The following ENTPD1 variants were observed in gnomAD, a reference collection of about 807,000 sequenced individuals.
ENTPD1 encodes the protein ATP diphosphohydrolase.
In ENTPD1, 33 loss-of-function variants were observed where a neutral mutation model predicts 57.0. That is an observed-to-expected ratio of 0.58 (90% CI 0.44 to 0.77). The LOEUF is 0.77. ENTPD1 is among the 30% of genes least tolerant of loss of function. The pLI is 0.00. For missense variants in ENTPD1, 501 were observed against 603.4 expected (o/e 0.83, Z 1.78); for synonymous variants, 202 against 218.8 (o/e 0.92, Z 0.68).
intron 1 of ENTPD1, among the ~76,000 whole-genome samples, chr10:95,732,345 A>C (rs1019048257): frequency 3.3e-5 from 5 of 152,168 alleles, no homozygotes; most frequent in African/African-American, 1.2e-4. Context: ...TGCCAACCTG[A>C]TGACACACTA....
rs558868743 is a variant in ENTPD1 at position 95,859,115 on chromosome 10, A to G, written c.1075-1354A>G. 2.0e-5 allele frequency among the ~76,000 whole-genome samples: 3 copies of G among 152,338 alleles called. No individual in the cohort carries two copies. The South Asian group carries it at 6.2e-4, about 32-fold the overall frequency. ...GGAAAATTTATTAAAAAGGACTAAT[A>G]TGCTCACACTTATGTTATTAGATAT... On this transcript the variant is annotated intron_variant, in intron 7 of 9. Transcript: ENST00000371205.
intron 9 of ENTPD1, 22 bp downstream of exon 9, chr10:95,864,883 C>G: frequency 6.2e-7 from 1 of 1,602,314 alleles, no homozygotes; most frequent in Non-Finnish European, 8.5e-7. Context: ...GCCTGTTGGG[C>G]TGGGGGGAGG....
At chr10:95,821,010 A>C (rs1325385282) in intron 1 of ENTPD1, among the ~76,000 whole-genome samples, 1 of 152,200 alleles carries the variant, frequency 6.6e-6, no homozygotes, top group African/African-American at 2.4e-5. Context: ...AAACATTCAA[A>C]ATTTTATTAT....
intron 1 of ENTPD1, among the ~76,000 whole-genome samples, chr10:95,772,742 T>A (rs1331842928): frequency 1.3e-5 from 2 of 152,236 alleles, no homozygotes; most frequent in Non-Finnish European, 2.9e-5. Flanking sequence ...ATGTTCTTAA[T>A]GGCACCTAGA....
chr10:95,859,543 C>A (rs532274806), intron 7 of ENTPD1, among the ~76,000 whole-genome samples: 1 of 152,280 alleles, frequency 6.6e-6, no homozygotes, highest in East Asian at 1.9e-4. Context: ...GCTGAATGAA[C>A]AAATGATGTG....
At chr10:95,805,043 T>A (rs977392020) in intron 1 of ENTPD1, among the ~76,000 whole-genome samples, 5 of 152,182 alleles carry the variant, frequency 3.3e-5, no homozygotes, top group Non-Finnish European at 7.4e-5. Context: ...CTGGATATCC[T>A]TGTTAACCTT....
At chr10:95,772,371 C>T (rs542688799) in intron 1 of ENTPD1, among the ~76,000 whole-genome samples, 3 of 152,326 alleles carry the variant, frequency 2.0e-5, no homozygotes, top group South Asian at 2.1e-4. Flanking sequence ...GTCAATCCTC[C>T]TCCAGCACTC....
At chr10:95,765,205 A>T (rs1400572212) in intron 1 of ENTPD1, among the ~76,000 whole-genome samples, 2 of 152,168 alleles carry the variant, frequency 1.3e-5, no homozygotes, top group African/African-American at 4.8e-5. Flanking sequence ...GATGATATTC[A>T]ATCTATAGTT....
Position 95,871,181 on chromosome 10 carries a change from C to T in ENTPD1, c.*4798C>T. On this transcript the variant is annotated 3_prime_UTR_variant, in exon 10 of 10. Coordinates refer to ENST00000371205, the MANE Select transcript of ENTPD1 (RefSeq NM_001776.6). ...AATGGCAAAGTCATATGGCCAAGGC[C>T]ATGAGTGATTAATTTTAACACAGGA... 3.0e-6 allele frequency: 3 copies of T among 985,368 alleles called. No individual in the cohort carries two copies. Among genetic ancestry groups the T allele is most frequent in the Non-Finnish European group, 3.6e-6 (3 of 829,934 alleles). The allele number at this position is 985,368 out of a possible 1,614,324, so 61.0% of individuals were successfully genotyped here. A position where few individuals can be genotyped will look rare whatever the true frequency, so the allele number is the denominator to read the frequency against.
rs183713292 is a variant in ENTPD1 at position 95,792,433 on chromosome 10, G to A, written c.17-30804G>A. Among the ~76,000 whole-genome samples, 3 of 152,346 alleles carry A rather than the reference G, an allele frequency of 2.0e-5. No individual in the cohort carries two copies. The East Asian group carries it at 5.8e-4, about 29-fold the overall frequency. ...CTTTCTAGACAGAGAAAGGGCTGAAGAAAGCAGAAACAAAGAACAAAAAGT... is the reference window on the plus strand; with the variant it reads ...CTTTCTAGACAGAGAAAGGGCTGAAAAAAGCAGAAACAAAGAACAAAAAGT... On this transcript the variant is annotated intron_variant, in intron 1 of 9. Transcript: ENST00000371205.
At chr10:95,858,245 G>C (rs2098459049) in intron 7 of ENTPD1, among the ~76,000 whole-genome samples, 1 of 152,148 alleles carries the variant, frequency 6.6e-6, no homozygotes, top group Non-Finnish European at 1.5e-5. Flanking sequence ...CTCTAAGGAG[G>C]GGAAGTGGAA....
chr10:95,755,881 G>C, upstream of ENTPD1: 1 of 1,517,282 alleles, frequency 6.6e-7, no homozygotes, highest in Non-Finnish European at 8.9e-7. Context: ...CGAAGAGAGG[G>C]AGAGAGAGAT....
chr10:95,760,811 A>ATTTTTT (rs1399145317), intron 1 of ENTPD1, among the ~76,000 whole-genome samples: 36 of 48,376 alleles, frequency 7.4e-4, no homozygotes, highest in African/African-American at 1.0e-3. Flanking sequence ...CATAGAGTTT[A>ATTTTTT]TTCTTTTTTT....
At chr10:95,823,941 G>A (rs2098363814) in intron 2 of ENTPD1, among the ~76,000 whole-genome samples, 1 of 152,124 alleles carries the variant, frequency 6.6e-6, no homozygotes, top group East Asian at 1.9e-4. Flanking sequence ...TCATGGATAG[G>A]CAGATTTCTT....
intron 1 of ENTPD1, among the ~76,000 whole-genome samples, chr10:95,810,483 G>A (rs1380453618): frequency 6.0e-5 from 9 of 150,528 alleles, no homozygotes; most frequent in African/African-American, 2.0e-4. Flanking sequence ...TCCCGGACAG[G>A]GCGGCCAGGC....
upstream of ENTPD1, among the ~76,000 whole-genome samples, chr10:95,707,669 A>G (rs1245957452): frequency 1.3e-5 from 2 of 152,194 alleles, no homozygotes; most frequent in Non-Finnish European, 2.9e-5. Flanking sequence ...CAGTGGTGCA[A>G]TCTTGGCTCA....
chr10:95,730,402 A>G (rs932350728), intron 1 of ENTPD1, among the ~76,000 whole-genome samples: 1 of 152,054 alleles, frequency 6.6e-6, no homozygotes, highest in Non-Finnish European at 1.5e-5. Context: ...TTATATTTCT[A>G]CATTAAAAGG....
intron 1 of ENTPD1, among the ~76,000 whole-genome samples, chr10:95,738,561 C>A (rs1249409397): frequency 6.6e-6 from 1 of 152,074 alleles, no homozygotes; most frequent in Non-Finnish European, 1.5e-5. Flanking sequence ...TCAAGAAAGG[C>A]AAAATTCGTC....
intron 7 of ENTPD1, among the ~76,000 whole-genome samples, chr10:95,856,291 A>G (rs997034284): frequency 6.6e-6 from 1 of 152,182 alleles, no homozygotes; most frequent in Admixed American, 6.5e-5. Context: ...CCACAGTGAG[A>G]CACTACCTTA....
Sources: allele counts gnomAD v4.1 joint callset (sites outside exome capture counted in the v4.1 genomes callset), GRCh38; gene constraint gnomAD v4.1.1; transcripts MANE v1.5; gene names NCBI Gene and HGNC (gene_info 2026-07-23, HGNC 2026-07-21).